ATXN10: variants seen among roughly 807,000 people sequenced by gnomAD.
The protein encoded by ATXN10 is ataxin 10, also known as ataxin-10.
In ATXN10, 28 loss-of-function variants were observed where a neutral mutation model predicts 52.9. The ratio of observed to expected loss-of-function variants is 0.53; its 90% CI spans 0.39 to 0.73. The LOEUF (loss-of-function observed/expected upper bound fraction) is 0.73, where lower values mean the gene tolerates loss of function less well. Among genes scored for constraint, ATXN10 ranks in the 30% least tolerant of loss-of-function variants. The pLI is 0.00. For synonymous variants in ATXN10, 226 were observed against 221.5 expected, an observed-to-expected ratio of 1.02 and a Z score of -0.18; for missense variants, 565 against 577.0, an observed-to-expected ratio of 0.98 and a Z score of 0.21.
At chr22:45,785,047 G>T (rs1384469936) in intron 9 of ATXN10, among the ~76,000 whole-genome samples, 2 of 152,170 alleles carry the variant, frequency 1.3e-5, no homozygotes, top group Admixed American at 6.5e-5. Context: ...TTGCTGTATG[G>T]GTTATTTTTG....
intron 1 of ATXN10, chr22:45,673,588 CAG>C (rs1922561763): frequency 6.6e-6 from 1 of 152,170 alleles, no homozygotes; most frequent in African/African-American, 2.4e-5. Flanking sequence ...TACTATGAAA[CAG>C]ATTTTTTTGT....
chr22:45,806,979 C>G lies in ATXN10; in HGVS notation c.1194C>G (p.Ile398Met). ...TCTAGGTAAATGAGCTGGATGGTAT[C>G]CCGTTGATCCTGGACAACTGCAACA... ...NQDKVNELDG[I>M]PLILDNCNIS... Residue 398 changes from isoleucine (I) to methionine (M), a missense_variant, in exon 10 of 12, where the codon ATC (isoleucine) becomes ATG (methionine). Transcript: ENST00000252934. The G allele has an allele frequency of 1.2e-6, 2 of 1,613,870 alleles. No homozygotes were observed. Among genetic ancestry groups the G allele is most frequent in the African/African-American group, 2.7e-5 (2 of 75,010 alleles).
At chr22:45,801,451 A>G (rs1211498666) in intron 9 of ATXN10, among the ~76,000 whole-genome samples, 7 of 152,218 alleles carry the variant, frequency 4.6e-5, no homozygotes, top group Non-Finnish European at 8.8e-5. Flanking sequence ...GCAGCAGCTC[A>G]GGCCTGAAAT....
chr22:45,799,589 A>C (rs1478941551), intron 9 of ATXN10, among the ~76,000 whole-genome samples: 1 of 152,190 alleles, frequency 6.6e-6, no homozygotes, highest in Non-Finnish European at 1.5e-5. Flanking sequence ...TCAGTAGCTA[A>C]AGAGAGACCT....
chr22:45,820,156 T>C lies in ATXN10; in HGVS notation c.1237+13134T>C, dbSNP rs1394980251. ...AATACATTAAAAAGCAAAAACGTAT[T>C]GGGCCTGTTGGATTCTGTGAAGGGT... On this transcript the variant is annotated intron_variant, in intron 10 of 11. Transcript: ENST00000252934. This position sits in a 1 kb window ranked among gnomAD's most constrained non-coding sequence, Gnocchi z 4.9. 6.6e-6 allele frequency among the ~76,000 whole-genome samples: 1 copy of C among 152,214 alleles called. No homozygotes were observed. Among genetic ancestry groups the C allele is most frequent in the Non-Finnish European group, 1.5e-5 (1 of 68,030 alleles).
Position 45,786,955 on chromosome 22 carries a change from A to C in ATXN10, c.1174-20004A>C, listed in dbSNP as rs971368041. Among the ~76,000 whole-genome samples, 9 of 152,322 alleles carry C rather than the reference A, an allele frequency of 5.9e-5. No individual in the cohort carries two copies. Among genetic ancestry groups the C allele is most frequent in the African/African-American group, 2.2e-4 (9 of 41,574 alleles). On this transcript the variant is annotated intron_variant, in intron 9 of 11. Coordinates refer to ENST00000252934, the MANE Select transcript of ATXN10 (RefSeq NM_013236.4). The surrounding 1 kb of genome is among the most constrained non-coding windows in gnomAD (Gnocchi z 4.1). ...AATAATCAGTGATGAGGTTAAAAAA[A>C]ATTGTCTATATGGATGCTCATTGCA...
At chr22:45,839,992 GAC>G (rs1365601797) in intron 10 of ATXN10, among the ~76,000 whole-genome samples, 1 of 152,234 alleles carries the variant, frequency 6.6e-6, no homozygotes, top group Non-Finnish European at 1.5e-5. Flanking sequence ...CCACGCTAGG[GAC>G]AGAGCACAGA....
chr22:45,734,363 AT>A, intron 7 of ATXN10: 1 of 268,588 alleles, frequency 3.7e-6, no homozygotes. Context: ...AAATGCATTT[AT>A]TAAAAAGCAT....
chr22:45,729,421 A>G lies in ATXN10; in HGVS notation c.729-4A>G, dbSNP rs1345163114. 6.2e-7 allele frequency: 1 copy of G among 1,613,864 alleles called. No individual in the cohort carries two copies. Among genetic ancestry groups the G allele is most frequent in the Non-Finnish European group, 8.5e-7 (1 of 1,179,850 alleles). Reference sequence around the variant, plus strand: ...TTCATGCAGAAATCCTTTATGTTTTACAGAGTTACACTGTTAGACCTTATG... The same window carrying G: ...TTCATGCAGAAATCCTTTATGTTTTGCAGAGTTACACTGTTAGACCTTATG... On this transcript the variant is annotated splice_region_variant and splice_polypyrimidine_tract_variant and intron_variant, in intron 6 of 11. Coordinates refer to ENST00000252934, the MANE Select transcript of ATXN10 (RefSeq NM_013236.4).
chr22:45,736,779 A>T (rs556324258), intron 7 of ATXN10, among the ~76,000 whole-genome samples: 14 of 152,148 alleles, frequency 9.2e-5, no homozygotes, highest in Admixed American at 7.9e-4. Context: ...TTCGCTGTTG[A>T]TGATACTACT....
intron 7 of ATXN10, among the ~76,000 whole-genome samples, chr22:45,737,608 A>AATGT (rs1925346106): frequency 6.6e-6 from 1 of 152,122 alleles, no homozygotes; most frequent in African/African-American, 2.4e-5. Flanking sequence ...TATTACCTTT[A>AATGT]AATCTCTTAA....
chr22:45,762,704 C>T lies in ATXN10; in HGVS notation c.1173+22166C>T, dbSNP rs1273046385. ...TCCTGGTCCCCCAGAGGCCACCTCA[C>T]TCTTACTCCTGTCTCCAGGCTGGTG... is the stretch of plus-strand genomic sequence containing the variant. On this transcript the variant is annotated intron_variant, in intron 9 of 11. Coordinates refer to ENST00000252934, the MANE Select transcript of ATXN10 (RefSeq NM_013236.4). This position sits in a 1 kb window ranked among gnomAD's most constrained non-coding sequence, Gnocchi z 4.3. Among the ~76,000 whole-genome samples the T allele has an allele frequency of 1.3e-5, 2 of 152,224 alleles. No homozygotes were observed.
chr22:45,727,878 C>A lies in ATXN10; in HGVS notation c.729-1547C>A, dbSNP rs1924941737. Among the ~76,000 whole-genome samples, 1 of 151,930 alleles carries A rather than the reference C, an allele frequency of 6.6e-6. No individual in the cohort carries two copies. Among genetic ancestry groups the A allele is most frequent in the Non-Finnish European group, 1.5e-5 (1 of 67,998 alleles). On this transcript the variant is annotated intron_variant, in intron 6 of 11. Transcript: ENST00000252934. The surrounding 1 kb of genome is among the most constrained non-coding windows in gnomAD (Gnocchi z 4.6). ...TTTTTTACTGTTGTTGCTTTAAAGT[C>A]TATTTTATCTGACATAAGAGCTGTT... is the stretch of plus-strand genomic sequence containing the variant.
rs1923855130 is a variant in ATXN10, at chr22:45,701,877, G to T, written c.489-812G>T. 6.6e-6 allele frequency among the ~76,000 whole-genome samples: 1 copy of T among 152,190 alleles called. No individual in the cohort carries two copies. Among genetic ancestry groups the T allele is most frequent in the Admixed American group, 6.5e-5 (1 of 15,278 alleles). On this transcript the variant is annotated intron_variant, in intron 4 of 11. Transcript: ENST00000252934. This position sits in a 1 kb window ranked among gnomAD's most constrained non-coding sequence, Gnocchi z 4.2. ...CTTAACAGTTTACATGTTGCTTTTA[G>T]ATGATCTCATTTGATCGTCATTAAA...
intron 9 of ATXN10, chr22:45,793,426 T>A: frequency 2.1e-6 from 1 of 468,496 alleles, no homozygotes; most frequent in Non-Finnish European, 3.2e-6. Context: ...TGCATTTCAA[T>A]AAGGGTAACA....
In ATXN10 at chr22:45,843,352, G is replaced by A. The variant is rs952810057; in HGVS notation, c.1425+174G>A. Among the ~76,000 whole-genome samples the A allele has an allele frequency of 6.6e-5, 10 of 152,036 alleles. No individual in the cohort carries two copies. The highest frequency in any genetic ancestry group is 1.5e-4 in the African/African-American group (6 of 41,376). The stretch of plus-strand genomic sequence containing the variant: ...TAGCTGCAAACGGTTTTTTTGTTCC[G>A]GCTTTATGCTGCCATTTTCTTAAAA... On this transcript the variant is annotated intron_variant, in intron 11 of 11. Coordinates refer to ENST00000252934, the MANE Select transcript of ATXN10 (RefSeq NM_013236.4). The surrounding 1 kb of genome is among the most constrained non-coding windows in gnomAD (Gnocchi z 4.5).
chr22:45,800,535 G>A (rs1927897496), intron 9 of ATXN10, among the ~76,000 whole-genome samples: 1 of 152,066 alleles, frequency 6.6e-6, no homozygotes, highest in Admixed American at 6.5e-5. Context: ...AAATACTGTG[G>A]CAGTTCTTAA....
chr22:45,841,607 A>C lies in ATXN10; in HGVS notation c.1238-1384A>C, dbSNP rs148810766. Among the ~76,000 whole-genome samples the C allele has an allele frequency of 7.5e-4, 114 of 152,354 alleles. No homozygotes were observed. Among genetic ancestry groups the C allele is most frequent in the African/African-American group, 2.5e-3 (103 of 41,584 alleles). On this transcript the variant is annotated intron_variant, in intron 10 of 11. Transcript: ENST00000252934. The surrounding 1 kb of genome is among the most constrained non-coding windows in gnomAD (Gnocchi z 5.1). ...GATGGAGCAACCTTTTTAAAGCCCC[A>C]AAAACACTTCCTGAGCATACAGCTG... is the stretch of plus-strand genomic sequence containing the variant.
chr22:45,751,627 T>C (rs971751625), intron 9 of ATXN10, among the ~76,000 whole-genome samples: 1 of 151,880 alleles, frequency 6.6e-6, no homozygotes, highest in Non-Finnish European at 1.5e-5. Flanking sequence ...TATCTCAATC[T>C]AATGAAAATC....
Sources: allele counts gnomAD v4.1 joint callset (sites outside exome capture counted in the v4.1 genomes callset), GRCh38; gene constraint gnomAD v4.1.1; non-coding constraint Gnocchi (gnomAD v3.1); transcripts MANE v1.5; gene names NCBI Gene and HGNC (gene_info 2026-07-23, HGNC 2026-07-21).